DIAPH1: variants seen among roughly 807,000 people sequenced by gnomAD.
The protein encoded by DIAPH1 is diaphanous related formin 1.
A neutral mutation model predicts 140.7 loss-of-function variants in DIAPH1; 46 were observed. That is an observed-to-expected ratio of 0.33 (90% CI 0.26 to 0.42). DIAPH1 has a LOEUF of 0.42. Among genes scored for constraint, DIAPH1 ranks in the 10% least tolerant of loss-of-function variants. The pLI, the probability that DIAPH1 is intolerant of heterozygous loss-of-function variation, is 1.00. For synonymous variants in DIAPH1, 565 were observed against 551.6 expected, an observed-to-expected ratio of 1.02 and a Z score of -0.34; for missense variants, 1,310 against 1,558.7, an observed-to-expected ratio of 0.84 and a Z score of 2.69.
intron 1 of DIAPH1, 92 bp downstream of exon 1, chr5:141,618,706 C>T (rs2099903110): frequency 2.2e-6 from 2 of 916,334 alleles, no homozygotes; most frequent in East Asian, 3.1e-5. Context: ...GGGGCGGCTC[C>T]CCAAAGCCGG....
At chr5:141,600,101 T>C (rs2099899919) in intron 1 of DIAPH1, among the ~76,000 whole-genome samples, 1 of 152,166 alleles carries the variant, frequency 6.6e-6, no homozygotes, top group Non-Finnish European at 1.5e-5. Context: ...CCTTTAAATC[T>C]AGAGGTCAGA....
chr5:141,563,273 AG>A (rs1166326912), intron 18 of DIAPH1: 1 of 152,226 alleles, frequency 6.6e-6, no homozygotes, highest in Non-Finnish European at 1.5e-5. Flanking sequence ...CCTCTGAAAC[AG>A]TGACTCCAAA....
Position 141,534,360 on chromosome 5 carries a change from C to T in DIAPH1, c.2556G>A (p.Leu852=). The T allele has an allele frequency of 6.2e-7, 1 of 1,613,640 alleles. No individual in the cohort carries two copies. Among genetic ancestry groups the T allele is most frequent in the Non-Finnish European group, 8.5e-7 (1 of 1,179,812 alleles). Residue 852 remains leucine (L), a synonymous_variant, in exon 19 of 28, where the codon TTG becomes TTA. Transcript: ENST00000389054. The stretch of plus-strand genomic sequence containing the variant: ...AGAGATTCTGGGCTGTCTTTGAATC[C>T]AACACCTTTAACTCTTTTACTTTTT... ...QKKKVKELKV[L]DSKTAQNLSI... is the part of the protein sequence containing the mutation.
intron 1 of DIAPH1, among the ~76,000 whole-genome samples, chr5:141,591,724 A>ATATATATG (rs2099898492): frequency 7.6e-6 from 1 of 131,786 alleles, no homozygotes; most frequent in African/African-American, 3.0e-5. Context: ...ATATATATAT[A>ATATATATG]TATGAAGGAA....
chr5:141,594,069 TTA>T (rs767424963), intron 1 of DIAPH1, among the ~76,000 whole-genome samples: 1 of 152,156 alleles, frequency 6.6e-6, no homozygotes, highest in Non-Finnish European at 1.5e-5. Context: ...GTGCTGGGAT[TTA>T]TAGGCGTGAG....
At chr5:141,611,240 A>G (rs2099901791) in intron 1 of DIAPH1, among the ~76,000 whole-genome samples, 2 of 152,236 alleles carry the variant, frequency 1.3e-5, no homozygotes, top group South Asian at 2.1e-4. Flanking sequence ...AGTGAGATCC[A>G]TTCTCTTTTA....
chr5:141,573,411 G>C, intron 16 of DIAPH1, 81 bp downstream of exon 16: 2 of 1,547,822 alleles, frequency 1.3e-6, no homozygotes, highest in Non-Finnish European at 1.8e-6. Context: ...CTCCAGCCTG[G>C]GCGACAGAGC....
chr5:141,529,776 A>C, intron 19 of DIAPH1, 79 bp from the exon 20 acceptor site: 1 of 1,288,744 alleles, frequency 7.8e-7, no homozygotes. Context: ...CCTATGCTGG[A>C]TAATCTTCCT....
chr5:141,519,426 A>AAC (rs1234152853), intron 27 of DIAPH1, among the ~76,000 whole-genome samples: 1 of 152,174 alleles, frequency 6.6e-6, no homozygotes, highest in Non-Finnish European at 1.5e-5. Context: ...ATGTTGAAAT[A>AAC]ACATCTGACT....
chr5:141,542,307 C>T (rs979439672), intron 18 of DIAPH1, among the ~76,000 whole-genome samples: 6 of 152,030 alleles, frequency 3.9e-5, no homozygotes, highest in Non-Finnish European at 8.8e-5. Context: ...GTGGCGCATG[C>T]CTGTAATCCC....
At chr5:141,536,160 G>T in intron 18 of DIAPH1, 1 of 367,460 alleles carries the variant, frequency 2.7e-6, no homozygotes, top group South Asian at 2.2e-5. Flanking sequence ...AAATTAGCCG[G>T]GCATGGTGGC....
chr5:141,602,027 T>C (rs539260885), intron 1 of DIAPH1, among the ~76,000 whole-genome samples: 36 of 152,260 alleles, frequency 2.4e-4, no homozygotes, highest in African/African-American at 8.2e-4. Flanking sequence ...CTAATCTACC[T>C]ACCCAGAAAG....
At chr5:141,542,159 C>T (rs1049240970) in intron 18 of DIAPH1, among the ~76,000 whole-genome samples, 4 of 152,204 alleles carry the variant, frequency 2.6e-5, no homozygotes, top group South Asian at 2.1e-4. Context: ...GTCCACCAGG[C>T]GCAGTGGCTC....
At chr5:141,588,028 C>T (rs763987610) in intron 2 of DIAPH1, among the ~76,000 whole-genome samples, 196 bp downstream of exon 2, 2 of 152,072 alleles carry the variant, frequency 1.3e-5, no homozygotes, top group African/African-American at 2.4e-5. Context: ...TGCCTAACTT[C>T]GGAAGATAAT....
At chr5:141,534,485 C>T in intron 18 of DIAPH1, 52 bp from the exon 19 acceptor site, 1 of 1,442,750 alleles carries the variant, frequency 6.9e-7, no homozygotes, top group Admixed American at 1.7e-5. Context: ...CACCTCTGTG[C>T]TTTACCAAGC....
At chr5:141,556,071 GAGA>G (rs1238990594) in intron 18 of DIAPH1, among the ~76,000 whole-genome samples, 2 of 152,128 alleles carry the variant, frequency 1.3e-5, no homozygotes, top group African/African-American at 4.8e-5. Context: ...TCAGAAGTGG[GAGA>G]AGAATATTAA....
intron 18 of DIAPH1, among the ~76,000 whole-genome samples, chr5:141,553,985 G>A (rs930690716): frequency 6.6e-6 from 1 of 151,968 alleles, no homozygotes; most frequent in Non-Finnish European, 1.5e-5. Context: ...AGCATTAAGA[G>A]GAATAATATC....
At chr5:141,524,675 C>G in intron 26 of DIAPH1, 1 of 277,652 alleles carries the variant, frequency 3.6e-6, no homozygotes, top group Non-Finnish European at 7.1e-6. Context: ...AGTGCACTTT[C>G]CTGAAGTACT....
At chr5:141,536,305 A>G (rs922104271) in intron 18 of DIAPH1, among the ~76,000 whole-genome samples, 1 of 152,176 alleles carries the variant, frequency 6.6e-6, no homozygotes, top group African/African-American at 2.4e-5. Context: ...CTGTCTCAAA[A>G]AAATTCACTG....
Sources: allele counts gnomAD v4.1 joint callset (sites outside exome capture counted in the v4.1 genomes callset), GRCh38; gene constraint gnomAD v4.1.1; transcripts MANE v1.5; gene names NCBI Gene and HGNC (gene_info 2026-07-23, HGNC 2026-07-21).